Variants in ATRNL1 observed in about 807,000 individuals in gnomAD.
ATRNL1 encodes attractin like 1, also known as attractin-like protein 1.
In ATRNL1, 95 loss-of-function variants were observed where a neutral mutation model predicts 182.7. The ratio of observed to expected loss-of-function variants is 0.52; its 90% CI spans 0.44 to 0.62. The LOEUF (loss-of-function observed/expected upper bound fraction) is 0.62, where lower values mean the gene tolerates loss of function less well. Ranked by LOEUF, ATRNL1 falls within the 20% of genes least tolerant of loss-of-function variation. The pLI is 0.00. For synonymous variants in ATRNL1, 576 were observed against 568.3 expected, an observed-to-expected ratio of 1.01 and a Z score of -0.19; for missense variants, 1,471 against 1,679.5, an observed-to-expected ratio of 0.88 and a Z score of 2.17.
intron 23 of ATRNL1, among the ~76,000 whole-genome samples, chr10:115,468,354 C>A (rs1028495984): frequency 1.3e-5 from 2 of 150,686 alleles, no homozygotes; most frequent in Admixed American, 1.3e-4. Context: ...GATTCCCAGA[C>A]CAAATCTCAG....
intron 24 of ATRNL1, among the ~76,000 whole-genome samples, chr10:115,478,149 T>C (rs1270037566): frequency 6.6e-6 from 1 of 151,748 alleles, no homozygotes; most frequent in Non-Finnish European, 1.5e-5. Context: ...TTTATTAGTT[T>C]TTCTTGCTGT....
intron 8 of ATRNL1, among the ~76,000 whole-genome samples, chr10:115,194,923 A>G (rs2144260274): frequency 6.6e-6 from 1 of 151,912 alleles, no homozygotes; most frequent in South Asian, 2.1e-4. Context: ...TTTTAAGCTG[A>G]TGACAAATTA....
intron 26 of ATRNL1, among the ~76,000 whole-genome samples, chr10:115,578,251 G>A (rs782493848): frequency 6.6e-6 from 1 of 151,754 alleles, no homozygotes; most frequent in Non-Finnish European, 1.5e-5. Context: ...TGATGTCAGG[G>A]TGATACTAGC....
At chr10:115,671,909 A>G (rs1385141566) in intron 26 of ATRNL1, among the ~76,000 whole-genome samples, 13 of 152,088 alleles carry the variant, frequency 8.5e-5, no homozygotes, top group African/African-American at 2.9e-4. Context: ...GACTGCCCAT[A>G]AGGTGAGAGA....
intron 26 of ATRNL1, among the ~76,000 whole-genome samples, chr10:115,692,208 A>G (rs1435122935): frequency 1.3e-5 from 2 of 152,188 alleles, no homozygotes; most frequent in East Asian, 3.8e-4. Context: ...TTTGGCTATT[A>G]AACAACTGAA....
At chr10:115,694,200 AC>A (rs1212292579) in intron 26 of ATRNL1, among the ~76,000 whole-genome samples, 1 of 150,998 alleles carries the variant, frequency 6.6e-6, no homozygotes, top group Non-Finnish European at 1.5e-5. Flanking sequence ...ACACACACAC[AC>A]ACTTCCCACT....
At chr10:115,287,813 C>T (rs373193100) in intron 15 of ATRNL1, among the ~76,000 whole-genome samples, 2 of 151,908 alleles carry the variant, frequency 1.3e-5, no homozygotes, top group African/African-American at 2.4e-5. Flanking sequence ...TTCATCTTAT[C>T]GAGCTGTAAT....
chr10:115,309,368 A>G (rs1853901505), intron 17 of ATRNL1, among the ~76,000 whole-genome samples: 1 of 152,110 alleles, frequency 6.6e-6, no homozygotes, highest in Non-Finnish European at 1.5e-5. Flanking sequence ...TTTGGGCAGT[A>G]TGATTATTCT....
intron 8 of ATRNL1, among the ~76,000 whole-genome samples, chr10:115,173,764 T>C (rs1847383917): frequency 6.6e-6 from 1 of 151,886 alleles, no homozygotes; most frequent in Non-Finnish European, 1.5e-5. Flanking sequence ...ATTGCCCTTG[T>C]TTTGTTTTTT....
At position 115,123,075 on chromosome 10, in the gene ATRNL1, T is replaced by A. The variant is rs552928253; in HGVS notation, c.491+1263T>A. On this transcript the variant is annotated intron_variant, in intron 3 of 28. Transcript: ENST00000355044. ...TTGTATTAATACTCATCCATTAGCA[T>A]TCTTACCAACATTTTCTTGTTATTA... 2.6e-5 allele frequency among the ~76,000 whole-genome samples: 4 copies of A among 152,334 alleles called. No individual in the cohort carries two copies. The East Asian group carries it at 7.7e-4, about 29-fold the overall frequency.
chr10:115,486,368 T>TA (rs1849022898), intron 24 of ATRNL1, among the ~76,000 whole-genome samples: 1 of 152,090 alleles, frequency 6.6e-6, no homozygotes, highest in African/African-American at 2.4e-5. Context: ...ATCAACAGTG[T>TA]AAAAAGTGTC....
rs58578796 is a variant in ATRNL1, at chr10:115,759,841, A to ATTTTTTT, written c.3903+32505_3903+32511dup. Among the ~76,000 whole-genome samples, 165 of 62,684 alleles carry ATTTTTTT rather than the reference A, an allele frequency of 2.6e-3. 2 individuals are homozygous for ATTTTTTT. The highest frequency in any genetic ancestry group is 4.9e-3 in the African/African-American group (68 of 14,012). 41.1% of individuals were successfully genotyped at this position (62,684 alleles called of 152,430 possible). ...CAGGTGTGCACCACCACACCTGGCT[A>ATTTTTTT]TTTTTTTTTTTTTTTTTTTTTTTTT... On this transcript the variant is annotated intron_variant, in intron 27 of 28. Coordinates refer to ENST00000355044, the MANE Select transcript of ATRNL1 (RefSeq NM_207303.4).
At chr10:115,286,939 G>A (rs1490335757) in intron 15 of ATRNL1, among the ~76,000 whole-genome samples, 2 of 151,818 alleles carry the variant, frequency 1.3e-5, no homozygotes, top group Non-Finnish European at 2.9e-5. Context: ...ATGATTTTAA[G>A]TATATGGGAG....
At chr10:115,818,353 T>C (rs1451967329) in intron 27 of ATRNL1, among the ~76,000 whole-genome samples, 2 of 152,122 alleles carry the variant, frequency 1.3e-5, no homozygotes, top group Admixed American at 6.6e-5. Context: ...CCTAAACTAC[T>C]TTCAGGTTAA....
intron 26 of ATRNL1, among the ~76,000 whole-genome samples, chr10:115,696,729 A>G (rs895324285): frequency 2.0e-5 from 3 of 152,108 alleles, no homozygotes; most frequent in Non-Finnish European, 4.4e-5. Flanking sequence ...ACACTGCTAT[A>G]AAGAACTACT....
chr10:115,632,247 T>C (rs773222189), intron 26 of ATRNL1, among the ~76,000 whole-genome samples: 7 of 152,076 alleles, frequency 4.6e-5, no homozygotes, highest in Non-Finnish European at 7.4e-5. Context: ...TGTGAAGTAA[T>C]AAATAATGCT....
intron 1 of ATRNL1, among the ~76,000 whole-genome samples, chr10:115,101,493 G>A (rs1245054398): frequency 6.6e-6 from 1 of 152,020 alleles, no homozygotes; most frequent in Non-Finnish European, 1.5e-5. Context: ...TTGTTAACAT[G>A]GTGAATTATG....
At chr10:115,853,976 G>T (rs1255749030) in intron 28 of ATRNL1, among the ~76,000 whole-genome samples, 1 of 152,146 alleles carries the variant, frequency 6.6e-6, no homozygotes, top group Admixed American at 6.5e-5. Context: ...ATCCCCACTT[G>T]CTACCCTTAC....
At chr10:115,350,267 C>T (rs1349774987) in intron 19 of ATRNL1, among the ~76,000 whole-genome samples, 2 of 125,572 alleles carry the variant, frequency 1.6e-5, no homozygotes, top group African/African-American at 3.1e-5. Flanking sequence ...ACCCGGGAGG[C>T]GGAGGTTGCA....
Sources: gnomAD v4.1 joint callset for allele counts (sites outside exome capture counted in the v4.1 genomes callset) on GRCh38, gnomAD v4.1.1 for gene constraint, MANE v1.5 for transcripts, NCBI Gene and HGNC (gene_info 2026-07-23, HGNC 2026-07-21) for gene names.